Variants in SLC35H1 observed in about 807,000 individuals in gnomAD.
SLC35H1 encodes ovarian cancer-overexpressed gene 1 protein.
At chr20:46,357,822 C>A in the SLC35H1 span, 1 of 1,601,672 alleles carries the variant, frequency 6.2e-7, no homozygotes, top group Non-Finnish European at 8.5e-7. Flanking sequence ...GACAGCCTGC[C>A]CCCCACCGGC....
the SLC35H1 span, chr20:46,358,835 A>C: frequency 4.0e-6 from 4 of 1,000,074 alleles, no homozygotes; most frequent in Non-Finnish European, 6.1e-6. Flanking sequence ...GGTGCCTCTG[A>C]AGGCTGCGTG....
chr20:46,361,591 T>G, the SLC35H1 span, among the ~76,000 whole-genome samples: 1 of 152,132 alleles, frequency 6.6e-6, no homozygotes, highest in Non-Finnish European at 1.5e-5. Flanking sequence ...GACAGATAAT[T>G]CTTTGTGAGA....
the SLC35H1 span, chr20:46,357,910 C>G: frequency 1.1e-6 from 1 of 879,130 alleles, no homozygotes; most frequent in Non-Finnish European, 1.7e-6. Context: ...TGTGTAGGGC[C>G]CTTAGTTACG....
chr20:46,359,913 G>A, the SLC35H1 span, among the ~76,000 whole-genome samples: 1 of 152,276 alleles, frequency 6.6e-6, no homozygotes, highest in East Asian at 1.9e-4. Context: ...CTGCACTCTG[G>A]AACTCTTGTT....
At chr20:46,350,814 A>G in the SLC35H1 span, 2 of 1,614,080 alleles carry the variant, frequency 1.2e-6, no homozygotes, top group Non-Finnish European at 1.7e-6. Context: ...CGAGAGGCAG[A>G]GGGCGAAGCC....
At chr20:46,354,902 G>T in the SLC35H1 span, 2 of 1,610,396 alleles carry the variant, frequency 1.2e-6, no homozygotes, top group South Asian at 2.2e-5. Context: ...AGCAAAGAGA[G>T]GGAAGAGCCC....
the SLC35H1 span, among the ~76,000 whole-genome samples, chr20:46,354,462 G>A: frequency 2.0e-5 from 3 of 152,150 alleles, no homozygotes; most frequent in Non-Finnish European, 4.4e-5. Context: ...GAGTAGGGCT[G>A]GACCACTTGG....
At chr20:46,351,155 G>A in the SLC35H1 span, among the ~76,000 whole-genome samples, 1 of 152,236 alleles carries the variant, frequency 6.6e-6, no homozygotes, top group Non-Finnish European at 1.5e-5. Flanking sequence ...ATCCCAGGCT[G>A]GGGACCAGGG....
the SLC35H1 span, among the ~76,000 whole-genome samples, chr20:46,359,755 G>C: frequency 6.6e-6 from 1 of 152,144 alleles, no homozygotes; most frequent in Admixed American, 6.5e-5. Context: ...CTTCATCTGG[G>C]TGCCCCCCTC....
the SLC35H1 span, chr20:46,351,956 C>T: frequency 1.5e-6 from 2 of 1,327,452 alleles, no homozygotes; most frequent in East Asian, 4.9e-5. Flanking sequence ...CTCTGCAGGG[C>T]CCTGGGGTGC....
the SLC35H1 span, chr20:46,348,729 G>T: frequency 6.6e-6 from 1 of 152,358 alleles, no homozygotes; most frequent in East Asian, 1.9e-4. Flanking sequence ...CTGCAGAAGT[G>T]GAAGTTGGAC....
chr20:46,356,741 C>T, the SLC35H1 span: 2 of 1,089,296 alleles, frequency 1.8e-6, no homozygotes, highest in Non-Finnish European at 2.7e-6. Flanking sequence ...CTGAACCATC[C>T]CGGTGCCTCC....
At chr20:46,355,058 G>A in the SLC35H1 span, 1 of 1,614,000 alleles carries the variant, frequency 6.2e-7, no homozygotes, top group Admixed American at 1.7e-5. The surrounding 1 kb of genome is among the most constrained non-coding windows in gnomAD (Gnocchi z 4.8). Context: ...TGGAGGATGA[G>A]TGGCACGTGC....
the SLC35H1 span, chr20:46,354,818 G>T: frequency 7.2e-7 from 1 of 1,394,508 alleles, no homozygotes; most frequent in Non-Finnish European, 1.0e-6. Flanking sequence ...ACTGTGTTGG[G>T]CTCAGGGCGA....
the SLC35H1 span, chr20:46,354,952 G>T: frequency 6.2e-7 from 1 of 1,613,974 alleles, no homozygotes; most frequent in East Asian, 2.2e-5. Flanking sequence ...TGGTGTCGAT[G>T]GGATTCTGGA....
chr20:46,357,797 C>A, the SLC35H1 span: 5 of 1,613,088 alleles, frequency 3.1e-6, no homozygotes, highest in Non-Finnish European at 3.4e-6. Context: ...AAAGCAGACA[C>A]CCCGGCTTGG....
chr20:46,346,291 C>G, the SLC35H1 span: 5 of 152,188 alleles, frequency 3.3e-5, no homozygotes, highest in African/African-American at 1.2e-4. Context: ...TACTACAAAG[C>G]AGGGGTGAAG....
At chr20:46,350,942 T>C in the SLC35H1 span, 3 of 1,607,980 alleles carry the variant, frequency 1.9e-6, no homozygotes, top group East Asian at 4.5e-5. Flanking sequence ...ATTTGGCTGC[T>C]TGACCAGGAG....
chr20:46,352,050 C>G, the SLC35H1 span: 1 of 1,614,012 alleles, frequency 6.2e-7, no homozygotes, highest in Non-Finnish European at 8.5e-7. Flanking sequence ...CGAGTCTGTA[C>G]CTTAAAAATG....
Sources: allele counts gnomAD v4.1 joint callset (sites outside exome capture counted in the v4.1 genomes callset), GRCh38; gene constraint gnomAD v4.1.1; non-coding constraint Gnocchi (gnomAD v3.1); transcripts MANE v1.5; gene names NCBI Gene and HGNC (gene_info 2026-07-23, HGNC 2026-07-21).